The following CHD6 variants were observed in gnomAD, a reference collection of about 807,000 sequenced individuals.
CHD6 encodes ATP-dependent chromatin remodeler CHD6.
A neutral mutation model predicts 276.9 loss-of-function variants in CHD6; 50 were observed. That is an observed-to-expected ratio of 0.18 (90% CI 0.14 to 0.23). CHD6 has a LOEUF of 0.23. Ranked by LOEUF, CHD6 falls within the 10% of genes least tolerant of loss-of-function variation. The probability of loss-of-function intolerance (pLI) is 1.00; values close to 1 mark genes in which losing one functional copy is unlikely to be tolerated. For missense variants in CHD6, 2,564 were observed against 3,365.8 expected (o/e 0.76, Z 5.89); for synonymous variants, 1,173 against 1,229.3 (o/e 0.95, Z 0.96).
At position 41,486,653 on chromosome 20, in the gene CHD6, T is replaced by A. The variant is rs147074368; in HGVS notation, c.2001+1012A>T. On this transcript the variant is annotated intron_variant, in intron 14 of 36. Coordinates refer to ENST00000373233, the MANE Select transcript of CHD6 (RefSeq NM_032221.5). ...GCTGGATTAATTTGGCAGAGCTAAT[T>A]ATGTCATTCCTGTAATAAGGTCTTG... Among the ~76,000 whole-genome samples, 368 of 152,334 alleles carry A rather than the reference T, an allele frequency of 2.4e-3. 1 individual carries two copies. Among genetic ancestry groups the A allele is most frequent in the Non-Finnish European group, 3.2e-3 (218 of 68,030 alleles).
At chr20:41,430,854 AT>A (rs61590579) in intron 27 of CHD6, among the ~76,000 whole-genome samples, 6,315 of 127,598 alleles carry the variant, frequency 0.049, 196 homozygotes, top group African/African-American at 0.13. Flanking sequence ...CAGAACATGA[AT>A]TTTTTTTTTT....
chr20:41,541,408 G>C (rs769480837), intron 2 of CHD6, among the ~76,000 whole-genome samples: 12 of 152,216 alleles, frequency 7.9e-5, no homozygotes, highest in Admixed American at 5.9e-4. Context: ...CAGCTGGTTA[G>C]ACAGTTCAGT....
At chr20:41,586,667 G>C (rs541895744) in intron 1 of CHD6, among the ~76,000 whole-genome samples, 1 of 152,192 alleles carries the variant, frequency 6.6e-6, no homozygotes, top group Non-Finnish European at 1.5e-5. Flanking sequence ...AGGAATGCAA[G>C]AGTGAGTCAA....
chr20:41,497,167 A>T (rs2043707873), intron 8 of CHD6: 1 of 521,474 alleles, frequency 1.9e-6, no homozygotes, highest in African/African-American at 1.9e-5. Context: ...GCACGCCGTT[A>T]TGAGTTGTCA....
rs1471950922 is a variant in CHD6 at position 41,415,560 on chromosome 20, C to T, written c.6565G>A (p.Ala2189Thr). ...AACTGCTCCAGGCCCCGAGCCTTTG[C>T]ATCCCTCTCCACCTCAAACTCATAG... ...RPYEFEVERD[A>T]KARGLEQFSA... is the part of the protein sequence containing the mutation. The change falls in exon 34 of 37, where the codon GCA (alanine) becomes ACA (threonine). Residue 2189 changes from alanine (A) to threonine (T), a missense_variant. Ala to Thr is a moderately conservative substitution (Grantham distance 58). Around this residue, in one of 7 missense-constraint regions of CHD6, gnomAD observed 1,024 missense variants for 1,047.9 expected, o/e 0.98. Transcript: ENST00000373233. The T allele has an allele frequency of 1.2e-6, 2 of 1,613,936 alleles. No homozygotes were observed. The highest frequency in any genetic ancestry group is 2.7e-5 in the African/African-American group (2 of 74,940).
chr20:41,538,663 G>C (rs901844716), intron 2 of CHD6, among the ~76,000 whole-genome samples: 5 of 152,306 alleles, frequency 3.3e-5, no homozygotes, highest in Middle Eastern at 3.4e-3. Context: ...GAAAAATCCA[G>C]TACTAGGACA....
intron 2 of CHD6, among the ~76,000 whole-genome samples, chr20:41,540,733 T>C (rs760299768): frequency 6.6e-6 from 1 of 152,322 alleles, no homozygotes; most frequent in South Asian, 2.1e-4. Flanking sequence ...GAGTCTTCTA[T>C]CTTCTCCAGC....
chr20:41,421,036 C>T lies in CHD6; in HGVS notation c.5599G>A (p.Glu1867Lys). 6.2e-7 allele frequency: 1 copy of T among 1,613,930 alleles called. No individual in the cohort carries two copies. The highest frequency in any genetic ancestry group is 1.1e-5 in the South Asian group (1 of 90,992). The change falls in exon 31 of 37, where the codon GAG (glutamate) becomes AAG (lysine). Residue 1867 changes from glutamate (E) to lysine (K), a missense_variant. By Grantham distance (56) the Glu-to-Lys change is moderately conservative. Transcript: ENST00000373233. ...TCCTCGTTTTCCTCCTCTTCTTCCTCCTCATCACTGTGGTTCTGACTCAAA... is the reference window on the plus strand; with the variant it reads ...TCCTCGTTTTCCTCCTCTTCTTCCTTCTCATCACTGTGGTTCTGACTCAAA... Reference protein sequence around the residue: ...LILSQNHSDEEEEEEENEEEN... With the variant: ...LILSQNHSDEKEEEEENEEEN...
Position 41,403,973 on chromosome 20 carries a change from A to C in CHD6, c.*620T>G. The stretch of plus-strand genomic sequence containing the variant: ...TCTTGCTGCAGGTGTCTGAAAAACC[A>C]CCAAGGGGGAAATTATATTACTACC... On this transcript the variant is annotated 3_prime_UTR_variant, in exon 37 of 37. Transcript: ENST00000373233. 1 of 1,054,280 alleles carries C rather than the reference A, an allele frequency of 9.5e-7. No homozygotes were observed. The highest frequency in any genetic ancestry group is 1.1e-6 in the Non-Finnish European group (1 of 872,402). The allele number at this position is 1,054,280 out of a possible 1,614,324, so 65.3% of individuals were successfully genotyped here.
chr20:41,482,883 T>C lies in CHD6; in HGVS notation c.2468+426A>G, dbSNP rs139910740. Among the ~76,000 whole-genome samples, 452 of 152,282 alleles carry C rather than the reference T, an allele frequency of 3.0e-3. 2 individuals carry two copies. Among genetic ancestry groups the C allele is most frequent in the African/African-American group, 0.01 (425 of 41,578 alleles). ...AGAAAGGACATAAAATATCCCCACATTCTTTCTCTGTGAGTTGCCAGTTTA... is the reference window on the plus strand; with the variant it reads ...AGAAAGGACATAAAATATCCCCACACTCTTTCTCTGTGAGTTGCCAGTTTA... On this transcript the variant is annotated intron_variant, in intron 16 of 36. Transcript: ENST00000373233.
intron 2 of CHD6, among the ~76,000 whole-genome samples, chr20:41,541,498 T>A (rs1471181144): frequency 6.6e-6 from 1 of 152,102 alleles, no homozygotes; most frequent in African/African-American, 2.4e-5. Context: ...TCTACAAGAA[T>A]GAATTAGACT....
In CHD6 at chr20:41,512,868, G is replaced by C; in HGVS notation, c.830C>G (p.Ser277Cys). ...TACCTCCGCCTGCCAGGCCAGTGTA[G>C]AGGCTGAGAGTGCAGATGTTCGACC... The part of the protein sequence containing the change: ...GAGRTSALSA[S>C]TLAWQAEEPP... The change falls in exon 5 of 37, where the codon TCT becomes TGT. Residue 277 changes from serine to cysteine, a missense_variant. Physicochemically the swap from Ser to Cys is moderately radical, Grantham distance 112 (BLOSUM62 -1). Around this residue, in one of 7 missense-constraint regions of CHD6, gnomAD observed 457 missense variants for 889.0 expected, o/e 0.51. Coordinates refer to ENST00000373233, the MANE Select transcript of CHD6 (RefSeq NM_032221.5). 1.2e-6 allele frequency: 2 copies of C among 1,614,072 alleles called. No homozygotes were observed. Among genetic ancestry groups the C allele is most frequent in the Non-Finnish European group, 1.7e-6 (2 of 1,179,940 alleles).
chr20:41,608,115 G>GA (rs936163982), intron 1 of CHD6, among the ~76,000 whole-genome samples: 10 of 152,054 alleles, frequency 6.6e-5, no homozygotes, highest in East Asian at 3.9e-4. Context: ...GGGATCTGGG[G>GA]AAAAAATCTA....
At chr20:41,478,552 C>T (rs1304573263) in intron 16 of CHD6, among the ~76,000 whole-genome samples, 1 of 152,100 alleles carries the variant, frequency 6.6e-6, no homozygotes, top group Non-Finnish European at 1.5e-5. Flanking sequence ...GTACCTAGGG[C>T]AACTAAGACT....
rs1425101503 is a variant in CHD6, at chr20:41,535,933, T to C, written c.34-2363A>G. On this transcript the variant is annotated intron_variant, in intron 2 of 36. Coordinates refer to ENST00000373233, the MANE Select transcript of CHD6 (RefSeq NM_032221.5). ...CACTTTGGGAAAGGTCATGCAGTTC[T>C]TGATGAAAAAGCAGATATTAGTAAT... Among the ~76,000 whole-genome samples the C allele has an allele frequency of 2.0e-5, 3 of 152,182 alleles. No individual in the cohort carries two copies. The East Asian group carries it at 5.8e-4, about 29-fold the overall frequency.
intron 3 of CHD6, among the ~76,000 whole-genome samples, chr20:41,518,886 G>A (rs1337409792): frequency 6.6e-6 from 1 of 152,178 alleles, no homozygotes; most frequent in Admixed American, 6.5e-5. Context: ...TTATGCTTGA[G>A]AGTTTTATCA....
At chr20:41,485,889 C>A (rs2043401518) in intron 14 of CHD6, 1 of 151,840 alleles carries the variant, frequency 6.6e-6, no homozygotes, top group Admixed American at 6.6e-5. Context: ...AGCCATTCCA[C>A]CATGTATACA....
At chr20:41,422,481 A>G (rs1177411895) in intron 30 of CHD6, among the ~76,000 whole-genome samples, 2 of 151,882 alleles carry the variant, frequency 1.3e-5, no homozygotes, top group East Asian at 3.9e-4. Flanking sequence ...CCCCATGTCT[A>G]CAAAAAATAA....
chr20:41,466,096 G>A (rs1011953334), intron 17 of CHD6, among the ~76,000 whole-genome samples: 5 of 152,118 alleles, frequency 3.3e-5, no homozygotes, highest in African/African-American at 4.8e-5. Context: ...CAACTACTTC[G>A]GAGGCTGAGG....
Sources: allele counts gnomAD v4.1 joint callset (sites outside exome capture counted in the v4.1 genomes callset), GRCh38; gene constraint gnomAD v4.1.1; regional missense constraint gnomAD v4.1.1; transcripts MANE v1.5; gene names NCBI Gene and HGNC (gene_info 2026-07-23, HGNC 2026-07-21).